The following WWP2 variants were observed in gnomAD, a reference collection of about 807,000 sequenced individuals.
The protein encoded by WWP2 is NEDD4-like E3 ubiquitin-protein ligase WWP2.
WWP2 carries 57 observed loss-of-function variants against 121.0 expected under a neutral mutation model. The ratio of observed to expected loss-of-function variants is 0.47; its 90% CI spans 0.38 to 0.59. The LOEUF (loss-of-function observed/expected upper bound fraction) is 0.59. WWP2 is among the 20% of genes least tolerant of loss of function. The pLI is 0.00. For synonymous variants in WWP2, 449 were observed against 441.3 expected, an observed-to-expected ratio of 1.02 and a Z score of -0.22; for missense variants, 962 against 1,158.9, an observed-to-expected ratio of 0.83 and a Z score of 2.47.
At position 69,931,172 on chromosome 16, in the gene WWP2, G is replaced by C. The variant is rs2058705897; in HGVS notation, c.1466G>C (p.Gly489Ala). ...FESGTKQGSP[G>A]AYDRSFRWKY... ...CCTAGGACGAAGCAAGGTTCCCCTG[G>C]TGCTTATGACCGCAGTTTTCGGTGG... The change falls in exon 14 of 24, where the codon GGT (glycine) becomes GCT (alanine). Residue 489 changes from glycine (G) to alanine (A), a missense_variant. Around this residue, in one of 3 missense-constraint regions of WWP2, gnomAD observed 606 missense variants for 772.6 expected, o/e 0.78. Coordinates refer to ENST00000359154, the MANE Select transcript of WWP2 (RefSeq NM_001270454.2). 1 of 1,614,134 alleles carries C rather than the reference G, an allele frequency of 6.2e-7. No individual in the cohort carries two copies.
Position 69,842,240 on chromosome 16 carries a change from G to T in WWP2, c.575+120G>T, listed in dbSNP as rs530109492. The T allele has an allele frequency of 5.7e-5, 54 of 940,334 alleles. No homozygotes were observed. In the South Asian group the frequency reaches 8.3e-4, roughly 14 times the overall value. The allele number at this position is 940,334 out of a possible 1,614,324, so 58.2% of individuals were successfully genotyped here. On this transcript the variant is annotated intron_variant, in intron 6 of 23. Transcript: ENST00000359154. ...ACTGTTGGAGATTTCCAGAGATCTT[G>T]TAACTGACTCAGTAGTTAAGAAAGC...
chr16:69,914,071 CAAAAAAAAAAAAAAA>C (rs34269202), intron 9 of WWP2, among the ~76,000 whole-genome samples: 8 of 32,214 alleles, frequency 2.5e-4, no homozygotes, highest in Admixed American at 6.0e-4. Flanking sequence ...GACTCTGTCT[CAAAAAAAAAAAAAAA>C]AAAAAAAAAA....
rs2058785623 is a variant in WWP2, at chr16:69,935,629, C to T, written c.1843-224C>T. Among the ~76,000 whole-genome samples, 1 of 152,220 alleles carries T rather than the reference C, an allele frequency of 6.6e-6. No homozygotes were observed. The highest frequency in any genetic ancestry group is 1.5e-5 in the Non-Finnish European group (1 of 68,046). On this transcript the variant is annotated intron_variant, in intron 17 of 23. Transcript: ENST00000359154. This position sits in a 1 kb window ranked among gnomAD's most constrained non-coding sequence, Gnocchi z 5.2. ...ACCAGCTGGCTCTGCCCAGTCCTTG[C>T]GGTCTGCAGGGCAGGGTGGGAGTCC...
intron 7 of WWP2, among the ~76,000 whole-genome samples, chr16:69,882,022 G>A (rs1213849314): frequency 6.7e-6 from 1 of 150,280 alleles, no homozygotes; most frequent in East Asian, 2.0e-4. Flanking sequence ...GTTTTGCCAT[G>A]TTGACCAAGC....
chr16:69,867,818 G>A (rs2057556388), intron 6 of WWP2, among the ~76,000 whole-genome samples: 1 of 152,216 alleles, frequency 6.6e-6, no homozygotes, highest in East Asian at 1.9e-4. Flanking sequence ...CTGCCCTGGG[G>A]GCTGTATAAC....
chr16:69,828,970 G>A (rs1184349879), intron 4 of WWP2, among the ~76,000 whole-genome samples: 1 of 152,054 alleles, frequency 6.6e-6, no homozygotes, highest in Non-Finnish European at 1.5e-5. Flanking sequence ...TTCCCTGTCA[G>A]AAGCACCTCA....
rs113462782 is a variant in WWP2, at chr16:69,785,336, T to C, written c.-15-1660T>C. Among the ~76,000 whole-genome samples the C allele has an allele frequency of 4.6e-5, 7 of 152,264 alleles. 1 individual carries two copies. The highest frequency in any genetic ancestry group is 1.7e-4 in the African/African-American group (7 of 41,554). ...GAAAGGTTTTAAGGGAAAGTTAGAC[T>C]TTTGGAATGCTTTTATCTACTACCA... On this transcript the variant is annotated intron_variant, in intron 1 of 23. Transcript: ENST00000359154.
Position 69,937,410 on chromosome 16 carries a change from G to A in WWP2, c.2239-138G>A, listed in dbSNP as rs1259709710. 4 of 1,344,434 alleles carry A rather than the reference G, an allele frequency of 3.0e-6. No individual in the cohort carries two copies. Among genetic ancestry groups the A allele is most frequent in the Non-Finnish European group, 4.1e-6 (4 of 982,182 alleles). 83.3% of individuals were successfully genotyped at this position (1,344,434 alleles called of 1,614,324 possible). Reference sequence around the variant, plus strand: ...CCAGACACTTGTTTCAAGAAAGCAGGGACTTACATTACCCATATTATTAAC... The same window carrying A: ...CCAGACACTTGTTTCAAGAAAGCAGAGACTTACATTACCCATATTATTAAC... On this transcript the variant is annotated intron_variant, in intron 20 of 23. Transcript: ENST00000359154. The surrounding 1 kb of genome is among the most constrained non-coding windows in gnomAD (Gnocchi z 6.6).
chr16:69,848,155 T>C (rs576241457), intron 6 of WWP2, among the ~76,000 whole-genome samples: 17 of 152,220 alleles, frequency 1.1e-4, no homozygotes, highest in Non-Finnish European at 2.4e-4. Context: ...GTTAAGAAGC[T>C]GTCAGCTGGG....
At chr16:69,938,945 G>A (rs989949436) in intron 21 of WWP2, 82 bp from the exon 22 acceptor site, 22 of 1,350,536 alleles carry the variant, frequency 1.6e-5, no homozygotes, top group East Asian at 7.6e-5. Flanking sequence ...GAGGGGCCCC[G>A]CTGAGCTAGA....
chr16:69,779,282 G>A (rs950617560), intron 1 of WWP2, among the ~76,000 whole-genome samples: 1 of 151,646 alleles, frequency 6.6e-6, no homozygotes, highest in Non-Finnish European at 1.5e-5. Flanking sequence ...TGCATCAATT[G>A]GAAAGGTTTT....
Position 69,844,749 on chromosome 16 carries a change from G to C in WWP2, c.575+2629G>C, listed in dbSNP as rs527354715. On this transcript the variant is annotated intron_variant, in intron 6 of 23. Coordinates refer to ENST00000359154, the MANE Select transcript of WWP2 (RefSeq NM_001270454.2). ...CTGGTGAGCAAGGTACCTTCCGATA[G>C]TGTAAGCCTTATCGGAGTCCTCTGC... is the stretch of plus-strand genomic sequence containing the variant. Among the ~76,000 whole-genome samples, 4 of 152,328 alleles carry C rather than the reference G, an allele frequency of 2.6e-5. No homozygotes were observed. In the South Asian group the frequency reaches 8.3e-4, roughly 32 times the overall value.
chr16:69,879,448 T>C (rs988704716), intron 7 of WWP2, among the ~76,000 whole-genome samples: 1 of 152,264 alleles, frequency 6.6e-6, no homozygotes, highest in Middle Eastern at 3.4e-3. Flanking sequence ...ATTTTCTTAT[T>C]CTAGATACCT....
At chr16:69,911,452 T>C (rs955423507) in intron 9 of WWP2, among the ~76,000 whole-genome samples, 4 of 151,956 alleles carry the variant, frequency 2.6e-5, no homozygotes, top group African/African-American at 9.7e-5. Context: ...TGCCTGCATA[T>C]GGGAAGGGAA....
At chr16:69,809,790 CAGAGAGAG>C (rs139573012) in intron 4 of WWP2, among the ~76,000 whole-genome samples, 1 of 138,134 alleles carries the variant, frequency 7.2e-6, no homozygotes, top group Non-Finnish European at 1.6e-5. Flanking sequence ...GAGAGAGAGA[CAGAGAGAG>C]AGAGAGAGAG....
Position 69,932,859 on chromosome 16 carries a change from CAG to C in WWP2, c.1682+980_1682+981del, listed in dbSNP as rs1161747028. 7.9e-5 allele frequency among the ~76,000 whole-genome samples: 12 copies of C among 152,208 alleles called. 1 individual carries two copies. In the Middle Eastern group the frequency reaches 0.014, roughly 173 times the overall value. ...GGACAGCAGGGCAGAAGGGCCCCGG[CAG>C]AGAGAGAGAGCGCTGTGGCCCGCAG... On this transcript the variant is annotated intron_variant, in intron 16 of 23. Transcript: ENST00000359154.
intron 6 of WWP2, among the ~76,000 whole-genome samples, chr16:69,864,887 C>T (rs939496047): frequency 6.6e-6 from 1 of 152,034 alleles, no homozygotes; most frequent in Non-Finnish European, 1.5e-5. Context: ...GTTGGGGTTA[C>T]AGGCGTGAGC....
At chr16:69,793,828 C>G (rs551890136) in intron 2 of WWP2, among the ~76,000 whole-genome samples, 1 of 152,018 alleles carries the variant, frequency 6.6e-6, no homozygotes, top group East Asian at 1.9e-4. Context: ...AGAATTCAAG[C>G]CCCTCCCATA....
At chr16:69,794,870 G>A (rs190373013) in intron 2 of WWP2, among the ~76,000 whole-genome samples, 9 of 152,306 alleles carry the variant, frequency 5.9e-5, no homozygotes, top group Admixed American at 1.3e-4. Flanking sequence ...AGTAGCCACA[G>A]GCAATTTGTA....
Sources: allele counts gnomAD v4.1 joint callset (sites outside exome capture counted in the v4.1 genomes callset), GRCh38; gene constraint gnomAD v4.1.1; regional missense constraint gnomAD v4.1.1; non-coding constraint Gnocchi (gnomAD v3.1); transcripts MANE v1.5; gene names NCBI Gene and HGNC (gene_info 2026-07-23, HGNC 2026-07-21).